Variants in PPARGC1A observed in about 807,000 individuals in gnomAD.
PPARGC1A encodes the protein peroxisome proliferator-activated receptor gamma coactivator 1-alpha.
In PPARGC1A, 25 loss-of-function variants were observed where a neutral mutation model predicts 88.7. The ratio of observed to expected loss-of-function variants is 0.28; its 90% CI spans 0.21 to 0.39. PPARGC1A has a LOEUF of 0.39. Among genes scored for constraint, PPARGC1A ranks in the 10% least tolerant of loss-of-function variants. The pLI, the probability that PPARGC1A is intolerant of heterozygous loss-of-function variation, is 1.00. For missense variants in PPARGC1A, 880 were observed against 968.7 expected, an observed-to-expected ratio of 0.91 and a Z score of 1.22; for synonymous variants, 363 against 355.6, an observed-to-expected ratio of 1.02 and a Z score of -0.24.
intron 2 of PPARGC1A, 100 bp from the exon 3 acceptor site, chr4:23,831,851 A>G (rs1560399628): frequency 1.1e-6 from 1 of 921,706 alleles, no homozygotes; most frequent in African/African-American, 1.6e-5. Context: ...CATACGTGAA[A>G]TCTAGAATGC....
At chr4:24,106,591 G>A in the PPARGC1A span, among the ~76,000 whole-genome samples, 3 of 152,242 alleles carry the variant, frequency 2.0e-5, no homozygotes, top group South Asian at 2.1e-4. Flanking sequence ...AGAAGTCCCC[G>A]ATTCTCTGTC....
chr4:24,398,619 C>T, the PPARGC1A span, among the ~76,000 whole-genome samples: 1 of 152,220 alleles, frequency 6.6e-6, no homozygotes, highest in Non-Finnish European at 1.5e-5. Flanking sequence ...GTACTTGCAG[C>T]TCTCATTCTG....
the PPARGC1A span, among the ~76,000 whole-genome samples, chr4:24,139,156 C>T: frequency 1.3e-5 from 2 of 149,922 alleles, no homozygotes; most frequent in Admixed American, 1.3e-4. Context: ...TTTTTTGAGA[C>T]AGAGTCTCAC....
At chr4:24,365,991 T>A in the PPARGC1A span, among the ~76,000 whole-genome samples, 1 of 152,134 alleles carries the variant, frequency 6.6e-6, no homozygotes, top group Non-Finnish European at 1.5e-5. Context: ...CTCCTAATCA[T>A]CAACTTGTGG....
chr4:24,328,750 C>T, the PPARGC1A span, among the ~76,000 whole-genome samples: 3 of 152,196 alleles, frequency 2.0e-5, no homozygotes, highest in Non-Finnish European at 2.9e-5. Context: ...CCACTCCTTG[C>T]ATGAATGGAG....
At chr4:24,301,472 T>A in the PPARGC1A span, among the ~76,000 whole-genome samples, 4 of 152,084 alleles carry the variant, frequency 2.6e-5, no homozygotes, top group African/African-American at 7.2e-5. Context: ...AGTCATCAAG[T>A]CATTAAATAG....
Position 23,818,839 on chromosome 4 carries a change from C to CTTT in PPARGC1A, c.878-4237_878-4235dup, listed in dbSNP as rs762478316. On this transcript the variant is annotated intron_variant, in intron 7 of 12. Coordinates refer to ENST00000264867, the MANE Select transcript of PPARGC1A (RefSeq NM_013261.5). The stretch of plus-strand genomic sequence containing the variant: ...GTGATGTGCTATTCACCAATGGCAT[C>CTTT]TTTTTTTTTTTTTTTTTTTTTTTTT... 4.9e-4 allele frequency among the ~76,000 whole-genome samples: 24 copies of CTTT among 49,022 alleles called. 2 individuals are homozygous for CTTT. The highest frequency in any genetic ancestry group is 1.3e-3 in the African/African-American group (17 of 12,650). The allele number at this position is 49,022 out of a possible 152,430, so 32.2% of individuals were successfully genotyped here. A position where few individuals can be genotyped will look rare whatever the true frequency, so the allele number is the denominator to read the frequency against.
the PPARGC1A span, among the ~76,000 whole-genome samples, chr4:23,980,783 G>A: frequency 2.0e-5 from 3 of 152,102 alleles, no homozygotes; most frequent in Admixed American, 2.0e-4. Flanking sequence ...CTGAAGTGGA[G>A]CCTATATTTT....
chr4:24,167,353 A>T, the PPARGC1A span, among the ~76,000 whole-genome samples: 1 of 152,240 alleles, frequency 6.6e-6, no homozygotes, highest in African/African-American at 2.4e-5. Context: ...TGGTTTCTTG[A>T]GATGGAATCT....
chr4:24,016,206 C>T, the PPARGC1A span, among the ~76,000 whole-genome samples: 1 of 152,136 alleles, frequency 6.6e-6, no homozygotes, highest in Non-Finnish European at 1.5e-5. Context: ...GAATTTGAAT[C>T]ACCAATACAT....
At chr4:24,262,795 C>G in the PPARGC1A span, among the ~76,000 whole-genome samples, 1 of 151,704 alleles carries the variant, frequency 6.6e-6, no homozygotes, top group Non-Finnish European at 1.5e-5. Context: ...CTTGGGATTT[C>G]TACAGAAGAG....
At chr4:24,271,302 A>G in the PPARGC1A span, among the ~76,000 whole-genome samples, 1 of 151,422 alleles carries the variant, frequency 6.6e-6, no homozygotes. Flanking sequence ...CCACCTTTAA[A>G]TAGCGGACTG....
intron 2 of PPARGC1A, among the ~76,000 whole-genome samples, chr4:23,879,460 TGAGCAGAA>T (rs1228390689): frequency 1.3e-5 from 2 of 152,198 alleles, no homozygotes; most frequent in African/African-American, 4.8e-5. Flanking sequence ...CTCCTAAAGG[TGAGCAGAA>T]ACTTAACCAG....
chr4:24,209,420 C>T, the PPARGC1A span, among the ~76,000 whole-genome samples: 3 of 152,170 alleles, frequency 2.0e-5, no homozygotes, highest in Non-Finnish European at 4.4e-5. Flanking sequence ...TATGTGGAGA[C>T]ATTTTCAGTT....
the PPARGC1A span, among the ~76,000 whole-genome samples, chr4:24,289,265 G>T: frequency 3.6e-4 from 51 of 140,508 alleles, no homozygotes; most frequent in Middle Eastern, 3.7e-3. Flanking sequence ...AGAAGAAAAA[G>T]TTAGCTGTTC....
chr4:23,820,214 A>C (rs1323074373), intron 7 of PPARGC1A, among the ~76,000 whole-genome samples: 1 of 152,140 alleles, frequency 6.6e-6, no homozygotes, highest in Non-Finnish European at 1.5e-5. Flanking sequence ...ATCAAATCAC[A>C]TGTCCCCTCT....
At chr4:24,136,637 C>T in the PPARGC1A span, among the ~76,000 whole-genome samples, 2,168 of 152,220 alleles carry the variant, frequency 0.014, 62 homozygotes, top group African/African-American at 0.05. Context: ...GGCTCTCCCT[C>T]GCTCTGTGGA....
the PPARGC1A span, among the ~76,000 whole-genome samples, chr4:24,362,116 C>T: frequency 6.6e-6 from 1 of 152,104 alleles, no homozygotes. Flanking sequence ...CATTGTTGTC[C>T]CTGGTATCCT....
At chr4:24,222,003 G>A in the PPARGC1A span, among the ~76,000 whole-genome samples, 1 of 152,104 alleles carries the variant, frequency 6.6e-6, no homozygotes, top group Admixed American at 6.5e-5. Flanking sequence ...GCCTCACTGA[G>A]AGATACCCAT....
Sources: allele counts gnomAD v4.1 joint callset (sites outside exome capture counted in the v4.1 genomes callset), GRCh38; gene constraint gnomAD v4.1.1; transcripts MANE v1.5; gene names NCBI Gene and HGNC (gene_info 2026-07-23, HGNC 2026-07-21).